The following JARID2 variants were observed in gnomAD, a reference collection of about 807,000 sequenced individuals.
The protein encoded by JARID2 is protein Jumonji.
Under a neutral mutation model 125.6 loss-of-function variants are expected in JARID2, and 21 were observed. The observed-to-expected ratio is 0.17, with a 90% CI of 0.12 to 0.24. The LOEUF is 0.24. Among genes scored for constraint, JARID2 ranks in the 10% least tolerant of loss-of-function variants. The pLI is 1.00. For missense variants in JARID2, 1,303 were observed against 1,639.6 expected (o/e 0.79, Z 3.55); for synonymous variants, 736 against 661.6 (o/e 1.11, Z -1.73).
At chr6:15,417,388 A>G (rs1229404927) in intron 3 of JARID2, among the ~76,000 whole-genome samples, 1 of 152,244 alleles carries the variant, frequency 6.6e-6, no homozygotes, top group Non-Finnish European at 1.5e-5. Context: ...TGTGAATCAC[A>G]GTAGTAACTG....
In JARID2 at chr6:15,469,292, CTCTCTGTCTCTG is replaced by C. The variant is rs1250090686; in HGVS notation, c.670+580_670+591del. Among the ~76,000 whole-genome samples the C allele has an allele frequency of 3.0e-3, 225 of 75,200 alleles. 7 individuals carry two copies. The East Asian group carries it at 0.047, about 16-fold the overall frequency. The allele number at this position is 75,200 out of a possible 152,430, so 49.3% of individuals were successfully genotyped here. ...TGTCTCTCTGTCTCTCTGTCTCTGT[CTCTCTGTCTCTG>C]TCTCTCTCTCTCTGTCTCTCTCTCT... On this transcript the variant is annotated intron_variant, in intron 5 of 17. Coordinates refer to ENST00000341776, the MANE Select transcript of JARID2 (RefSeq NM_004973.4).
At chr6:15,325,620 G>T (rs962088012) in intron 1 of JARID2, among the ~76,000 whole-genome samples, 1 of 152,158 alleles carries the variant, frequency 6.6e-6, no homozygotes, top group East Asian at 1.9e-4. Context: ...AAAGAGGATC[G>T]TAGAAATCTT....
rs778752172 is a variant in JARID2, at chr6:15,496,231, G to A, written c.1006G>A (p.Val336Met). The A allele has an allele frequency of 2.5e-6, 4 of 1,614,050 alleles. No individual in the cohort carries two copies. The African/African-American group carries it at 5.3e-5, about 22-fold the overall frequency. ...GGTCAGACCTTCACCATCCAAAACTGTGAAGTACACTGCCACGGTGACGAA... is the reference window on the plus strand; with the variant it reads ...GGTCAGACCTTCACCATCCAAAACTATGAAGTACACTGCCACGGTGACGAA... ...REVRPSPSKT[V>M]KYTATVTKGA... The change falls in exon 7 of 18, where the codon GTG (valine) becomes ATG (methionine). Residue 336 changes from valine to methionine, a missense_variant. This residue lies in a region of JARID2 where 651 missense variants were observed against 581.6 expected (regional missense o/e 1.12). Coordinates refer to ENST00000341776, the MANE Select transcript of JARID2 (RefSeq NM_004973.4).
chr6:15,353,940 T>C (rs1251741205), intron 1 of JARID2, among the ~76,000 whole-genome samples: 4 of 152,222 alleles, frequency 2.6e-5, no homozygotes, highest in Admixed American at 6.5e-5. Context: ...CTGCCACTTA[T>C]GTTCCTAAAG....
At chr6:15,487,116 G>C (rs976572651) in intron 5 of JARID2, among the ~76,000 whole-genome samples, 191 bp from the exon 6 acceptor site, 3 of 152,114 alleles carry the variant, frequency 2.0e-5, no homozygotes, top group Non-Finnish European at 4.4e-5. Flanking sequence ...GAACGCACTT[G>C]TTATCACGAG....
chr6:15,295,497 G>A lies in JARID2; in HGVS notation c.45+48913G>A, dbSNP rs550295276. ...TAAAGCATTTTAGGGCCATTTCAAC[G>A]GAAAACAGTGGTTCAGCATTGGCAT... On this transcript the variant is annotated intron_variant, in intron 1 of 17. Coordinates refer to ENST00000341776, the MANE Select transcript of JARID2 (RefSeq NM_004973.4). Among the ~76,000 whole-genome samples, 58 of 152,168 alleles carry A rather than the reference G, an allele frequency of 3.8e-4. 1 individual carries two copies. The highest frequency in any genetic ancestry group is 1.1e-3 in the African/African-American group (44 of 41,508).
At chr6:15,317,853 A>G (rs1762228550) in intron 1 of JARID2, among the ~76,000 whole-genome samples, 1 of 152,158 alleles carries the variant, frequency 6.6e-6, no homozygotes, top group African/African-American at 2.4e-5. Flanking sequence ...TGTTTCTTTA[A>G]TACCAGACCC....
At chr6:15,463,111 T>A (rs1191714092) in intron 4 of JARID2, among the ~76,000 whole-genome samples, 1 of 152,208 alleles carries the variant, frequency 6.6e-6, no homozygotes, top group Non-Finnish European at 1.5e-5. Context: ...ACTTGAATAA[T>A]CGGGAGAGAA....
At chr6:15,430,770 G>T (rs1176118098) in intron 3 of JARID2, among the ~76,000 whole-genome samples, 1 of 152,124 alleles carries the variant, frequency 6.6e-6, no homozygotes, top group Non-Finnish European at 1.5e-5. Flanking sequence ...TAACTCTTGG[G>T]GGAATGAATG....
chr6:15,259,745 C>T (rs1759798914), intron 1 of JARID2, among the ~76,000 whole-genome samples: 1 of 152,104 alleles, frequency 6.6e-6, no homozygotes, highest in South Asian at 2.1e-4. Flanking sequence ...ACTGGGACTC[C>T]TAGCTGGTTA....
intron 3 of JARID2, among the ~76,000 whole-genome samples, chr6:15,438,845 A>G (rs2127614103): frequency 6.6e-6 from 1 of 152,292 alleles, no homozygotes; most frequent in East Asian, 1.9e-4. Context: ...CAGCCTGGGT[A>G]ACATGGTGAA....
At chr6:15,303,581 T>A (rs1468792140) in intron 1 of JARID2, among the ~76,000 whole-genome samples, 3 of 152,240 alleles carry the variant, frequency 2.0e-5, no homozygotes, top group Non-Finnish European at 2.9e-5. Flanking sequence ...CTGTTTAATA[T>A]GCTTCTCACC....
At chr6:15,417,851 C>G (rs1164354604) in intron 3 of JARID2, among the ~76,000 whole-genome samples, 2 of 152,186 alleles carry the variant, frequency 1.3e-5, no homozygotes, top group East Asian at 3.8e-4. Context: ...ACATGAATTG[C>G]TACATGTGAG....
intron 4 of JARID2, among the ~76,000 whole-genome samples, chr6:15,460,225 C>G (rs1275695450): frequency 1.3e-5 from 2 of 152,144 alleles, no homozygotes; most frequent in African/African-American, 4.8e-5. Context: ...GGATGGATCA[C>G]TTTTATTGGC....
intron 1 of JARID2, among the ~76,000 whole-genome samples, chr6:15,285,105 G>GGTTTTTTTTTT (rs1561769843): frequency 1.6e-5 from 2 of 127,392 alleles, no homozygotes; most frequent in African/African-American, 7.3e-5. Flanking sequence ...AGTCTTTCTG[G>GGTTTTTTTTTT]GTTTTTTTTT....
chr6:15,340,319 A>G (rs1416092198), intron 1 of JARID2, among the ~76,000 whole-genome samples: 1 of 152,202 alleles, frequency 6.6e-6, no homozygotes, highest in East Asian at 1.9e-4. Flanking sequence ...CAGTGAGGTC[A>G]TACAGCAGGT....
At chr6:15,334,415 T>TA (rs1762813343) in intron 1 of JARID2, among the ~76,000 whole-genome samples, 1 of 152,190 alleles carries the variant, frequency 6.6e-6, no homozygotes, top group East Asian at 1.9e-4. Flanking sequence ...TCTATATTGA[T>TA]ACGTATTTTA....
At chr6:15,488,289 G>A (rs1313761444) in intron 6 of JARID2, among the ~76,000 whole-genome samples, 1 of 152,254 alleles carries the variant, frequency 6.6e-6, no homozygotes, top group Non-Finnish European at 1.5e-5. Context: ...CAACCCTAGG[G>A]ATGAGTAGTG....
At chr6:15,248,415 G>GGGT (rs1456742123) in intron 1 of JARID2, 1 of 137,314 alleles carries the variant, frequency 7.3e-6, no homozygotes, top group East Asian at 2.2e-4. Context: ...CGCGGGGAGG[G>GGGT]GAGAGCGCGC....
Sources: gnomAD v4.1 joint callset for allele counts (sites outside exome capture counted in the v4.1 genomes callset) on GRCh38, gnomAD v4.1.1 for gene constraint, gnomAD v4.1.1 regional missense constraint, MANE v1.5 for transcripts, NCBI Gene and HGNC (gene_info 2026-07-23, HGNC 2026-07-21) for gene names.